BAZ1B: variants seen among roughly 807,000 people sequenced by gnomAD.
BAZ1B encodes the protein tyrosine-protein kinase BAZ1B.
BAZ1B carries 22 observed loss-of-function variants against 153.8 expected under a neutral mutation model. The ratio of observed to expected loss-of-function variants is 0.14; its 90% CI spans 0.10 to 0.20. The LOEUF is 0.20. Ranked by LOEUF, BAZ1B falls within the 10% of genes least tolerant of loss-of-function variation. The pLI is 1.00. For synonymous variants in BAZ1B, 676 were observed against 633.4 expected, an observed-to-expected ratio of 1.07 and a Z score of -1.01; for missense variants, 1,325 against 1,799.3, an observed-to-expected ratio of 0.74 and a Z score of 4.77.
At chr7:73,521,687 G>A (rs1026083964) in intron 1 of BAZ1B, 140 bp downstream of exon 1, 2 of 569,728 alleles carry the variant, frequency 3.5e-6, no homozygotes, top group African/African-American at 2.0e-5. Context: ...CTGAGACTCA[G>A]CCTCCAGGCC....
rs376530176 is a variant in BAZ1B at position 73,489,291 on chromosome 7, C to G, written c.794G>C (p.Gly265Ala). The change falls in exon 6 of 20, where the codon GGT (glycine) becomes GCT (alanine). Residue 265 changes from glycine to alanine, a missense_variant. Coordinates refer to ENST00000339594, the MANE Select transcript of BAZ1B (RefSeq NM_032408.4). ...GACCCAAGGTGCATTTTCACCAGTA[C>G]CAGCTCGTAATGCATTATGCCGTAT... ...YFIRHNALRA[G>A]TGENAPWVVE... 14 of 1,614,150 alleles carry G rather than the reference C, an allele frequency of 8.7e-6. No homozygotes were observed. Among genetic ancestry groups the G allele is most frequent in the Non-Finnish European group, 1.2e-5 (14 of 1,180,016 alleles).
At chr7:73,502,051 T>C (rs1790155000) in intron 3 of BAZ1B, among the ~76,000 whole-genome samples, 1 of 151,902 alleles carries the variant, frequency 6.6e-6, no homozygotes, top group South Asian at 2.1e-4. Context: ...CCACCATGCC[T>C]GGCTAATTTT....
At chr7:73,497,936 G>A (rs774261605) in intron 4 of BAZ1B, among the ~76,000 whole-genome samples, 20 of 151,432 alleles carry the variant, frequency 1.3e-4, no homozygotes, top group East Asian at 7.7e-4. Flanking sequence ...TGTGCACACA[G>A]CTTTTGTGTT....
At chr7:73,470,140 T>C (rs576515100) in intron 8 of BAZ1B, among the ~76,000 whole-genome samples, 1 of 152,360 alleles carries the variant, frequency 6.6e-6, no homozygotes, top group South Asian at 2.1e-4. Flanking sequence ...TTGTGGTATA[T>C]GCAAGGGCAG....
rs781857356 is a variant in BAZ1B at position 73,477,613 on chromosome 7, G to A, written c.1848C>T (p.Phe616=). Residue 616 remains phenylalanine, a synonymous_variant, in exon 7 of 20, where the codon TTC becomes TTT. Coordinates refer to ENST00000339594, the MANE Select transcript of BAZ1B (RefSeq NM_032408.4). This position sits in a 1 kb window ranked among gnomAD's most constrained non-coding sequence, Gnocchi z 5.6. ...LFGDVAMVVE[F]LSCYSGLLLP... ...AAAGTAGCCCAGAATAACAGCTCAA[G>A]AATTCCACCACCATGGCCACATCCC... The A allele has an allele frequency of 4.3e-6, 7 of 1,614,032 alleles. No individual in the cohort carries two copies. The Admixed American group carries it at 1.2e-4, about 27-fold the overall frequency.
intron 13 of BAZ1B, 111 bp from the exon 14 acceptor site, chr7:73,451,105 A>G: frequency 1.5e-6 from 2 of 1,334,552 alleles, no homozygotes; most frequent in South Asian, 1.5e-5. Flanking sequence ...GCCTCCTAGA[A>G]CTTCACTAAT....
In BAZ1B at chr7:73,469,519, C is replaced by T. The variant is rs1310053804; in HGVS notation, c.2864G>A (p.Arg955His). The part of the protein sequence containing the change: ...TVSGDEDYCP[R>H]SKKANLGKNA... ...CTTAGATATACAGATATACTCACTG[C>T]GAGGACAGTAATCCTCATCACCAGA... The change falls in exon 9 of 20, where the codon CGC (arginine) becomes CAC (histidine). Residue 955 changes from arginine (R) to histidine (H), a missense_variant and splice_region_variant. Coordinates refer to ENST00000339594, the MANE Select transcript of BAZ1B (RefSeq NM_032408.4). The T allele has an allele frequency of 6.2e-6, 10 of 1,614,106 alleles. No homozygotes were observed. The highest frequency in any genetic ancestry group is 7.6e-6 in the Non-Finnish European group (9 of 1,179,992).
chr7:73,445,752 C>A (rs1481893738), intron 16 of BAZ1B, among the ~76,000 whole-genome samples: 1 of 152,008 alleles, frequency 6.6e-6, no homozygotes, highest in Non-Finnish European at 1.5e-5. Flanking sequence ...CCCAGCTGCT[C>A]AGGAGGCTGA....
At chr7:73,456,351 C>T (rs1210914892) in intron 13 of BAZ1B, among the ~76,000 whole-genome samples, 1 of 152,092 alleles carries the variant, frequency 6.6e-6, no homozygotes, top group Non-Finnish European at 1.5e-5. Flanking sequence ...AGGACACTAT[C>T]AACAGAATGA....
rs1554572870 is a variant in BAZ1B, at chr7:73,476,911, A to C, written c.2550T>G (p.Ile850Met). Reference sequence around the variant, plus strand: ...GGATTTCCCGTTCCTTCTTAGCTTGAATGGCAAGCAACCTTCTGCTCTTCA... The same window carrying C: ...GGATTTCCCGTTCCTTCTTAGCTTGCATGGCAAGCAACCTTCTGCTCTTCA... ...SAVKSRRLLA[I>M]QAKKEREIQE... The change falls in exon 7 of 20, where the codon ATT becomes ATG. Residue 850 changes from isoleucine to methionine, a missense_variant. Transcript: ENST00000339594. 30 of 1,608,310 alleles carry C rather than the reference A, an allele frequency of 1.9e-5. No individual in the cohort carries two copies. The highest frequency in any genetic ancestry group is 2.5e-5 in the Non-Finnish European group (30 of 1,178,420).
chr7:73,459,316 T>TCACCCAA, intron 13 of BAZ1B, among the ~76,000 whole-genome samples: 1 of 148,342 alleles, frequency 6.7e-6, no homozygotes, highest in African/African-American at 2.5e-5. Flanking sequence ...ACTGTGACCA[T>TCACCCAA]CACCCAATGA....
Position 73,522,067 on chromosome 7 carries a change from A to T in BAZ1B, c.-134T>A, listed in dbSNP as rs1791083370. On this transcript the variant is annotated 5_prime_UTR_variant, in exon 1 of 20. Transcript: ENST00000339594. ...AGGGAGGGGTGAGAGGGCGGCGCGA[A>T]CTCCGGCTCCCTCACCGCCGGCGCG... is the stretch of plus-strand genomic sequence containing the variant. 1.8e-6 allele frequency: 1 copy of T among 552,882 alleles called. No individual in the cohort carries two copies. The highest frequency in any genetic ancestry group is 2.7e-6 in the Non-Finnish European group (1 of 368,978). 34.2% of individuals were successfully genotyped at this position (552,882 alleles called of 1,614,324 possible).
In BAZ1B at chr7:73,521,910, C is replaced by T. The variant is rs532638557; in HGVS notation, c.24G>A (p.Lys8=). 29 of 1,488,788 alleles carry T rather than the reference C, an allele frequency of 1.9e-5. No individual in the cohort carries two copies. In the East Asian group the frequency reaches 5.4e-4, roughly 28 times the overall value. 92.2% of individuals were successfully genotyped at this position (1,488,788 alleles called of 1,614,324 possible). The stretch of plus-strand genomic sequence containing the variant: ...GCAACGGCTTCACCAGCGGGAAGGG[C>T]TTGCGGCCCAGGAGCGGCGCCATCG... MAPLLGR[K]PFPLVKPLPG... is the part of the protein sequence containing the mutation. The change falls in exon 1 of 20, where the codon AAG becomes AAA. Residue 8 remains lysine, a synonymous_variant. Coordinates refer to ENST00000339594, the MANE Select transcript of BAZ1B (RefSeq NM_032408.4).
intron 13 of BAZ1B, among the ~76,000 whole-genome samples, chr7:73,452,418 A>G (rs1389947240): frequency 6.6e-6 from 1 of 152,128 alleles, no homozygotes; most frequent in African/African-American, 2.4e-5. Flanking sequence ...TGACTTCACA[A>G]TGGTGCAAAA....
chr7:73,465,829 C>T (rs1250454369), intron 10 of BAZ1B, among the ~76,000 whole-genome samples: 1 of 151,922 alleles, frequency 6.6e-6, no homozygotes, highest in Non-Finnish European at 1.5e-5. Flanking sequence ...AACCTATACC[C>T]AAAATTCAAA....
rs1563393119 is a variant in BAZ1B, at chr7:73,496,169, G to GTT, written c.571+2327_571+2328insAA. 7.9e-5 allele frequency among the ~76,000 whole-genome samples: 12 copies of GTT among 152,274 alleles called. No individual in the cohort carries two copies. The East Asian group carries it at 2.3e-3, about 29-fold the overall frequency. ...CCACAATAAAACTGATGTTCGGAAA[G>GTT]CAGAGAGAATATTCCTAACCAAAAC... On this transcript the variant is annotated intron_variant, in intron 4 of 19. Coordinates refer to ENST00000339594, the MANE Select transcript of BAZ1B (RefSeq NM_032408.4).
rs556541112 is a variant in BAZ1B at position 73,445,919 on chromosome 7, G to A, written c.3844+1345C>T. On this transcript the variant is annotated intron_variant, in intron 16 of 19. Coordinates refer to ENST00000339594, the MANE Select transcript of BAZ1B (RefSeq NM_032408.4). ...AAGGTGTGCCCAAGTCACTGACTCT[G>A]ACCAACAGAAGAGGATATTCCTGAA... Among the ~76,000 whole-genome samples, 27 of 152,308 alleles carry A rather than the reference G, an allele frequency of 1.8e-4. No individual in the cohort carries two copies. In the East Asian group the frequency reaches 5.2e-3, roughly 29 times the overall value.
intron 6 of BAZ1B, among the ~76,000 whole-genome samples, chr7:73,480,622 T>C (rs1789163329): frequency 2.0e-5 from 3 of 152,130 alleles, no homozygotes; most frequent in Admixed American, 2.0e-4. Flanking sequence ...GCTAAGTACA[T>C]CAATGGCACT....
chr7:73,488,442 T>G (rs1460199866), intron 6 of BAZ1B, among the ~76,000 whole-genome samples: 1 of 152,086 alleles, frequency 6.6e-6, no homozygotes, highest in Non-Finnish European at 1.5e-5. Context: ...TAAAAATTAC[T>G]CCTTCTCGGC....
Sources: allele counts gnomAD v4.1 joint callset (sites outside exome capture counted in the v4.1 genomes callset), GRCh38; gene constraint gnomAD v4.1.1; non-coding constraint Gnocchi (gnomAD v3.1); transcripts MANE v1.5; gene names NCBI Gene and HGNC (gene_info 2026-07-23, HGNC 2026-07-21).